Variants in FRAS1 observed in about 807,000 individuals in gnomAD.
FRAS1 encodes extracellular matrix organizing protein FRAS1.
Under a neutral mutation model 435.2 loss-of-function variants are expected in FRAS1, and 290 were observed. That is an observed-to-expected ratio of 0.67 (90% confidence interval 0.61 to 0.73). FRAS1 has a LOEUF of 0.73. Among genes scored for constraint, FRAS1 ranks in the 30% least tolerant of loss-of-function variants. The pLI is 0.00. For synonymous variants in FRAS1, 1,800 were observed against 1,851.0 expected, an observed-to-expected ratio of 0.97 and a Z score of 0.71; for missense variants, 4,860 against 5,001.5, an observed-to-expected ratio of 0.97 and a Z score of 0.85.
chr4:78,191,193 G>A (rs994984482), intron 2 of FRAS1, among the ~76,000 whole-genome samples: 1 of 152,198 alleles, frequency 6.6e-6, no homozygotes, highest in African/African-American at 2.4e-5. Context: ...AGCACCCTCA[G>A]CAAACTAAGA....
In FRAS1 at chr4:78,375,821, C is replaced by T; in HGVS notation, c.3234C>T (p.Leu1078=). 1 of 1,613,698 alleles carries T rather than the reference C, an allele frequency of 6.2e-7. No individual in the cohort carries two copies. The highest frequency in any genetic ancestry group is 8.5e-7 in the Non-Finnish European group (1 of 1,179,764). Residue 1078 remains leucine (L), a synonymous_variant, in exon 26 of 74, where the codon CTC becomes CTT. Coordinates refer to ENST00000512123, the MANE Select transcript of FRAS1 (RefSeq NM_025074.7). The part of the protein sequence containing the change: ...CDHGFFLKSG[L]CVYNCVPGFS... Reference sequence around the variant, plus strand: ...ATGGGTTCTTTCTGAAGAGTGGCCTCTGTGTTTACAACTGTGTTCCTGGCT... The same window carrying T: ...ATGGGTTCTTTCTGAAGAGTGGCCTTTGTGTTTACAACTGTGTTCCTGGCT...
chr4:78,156,302 C>T (rs1720879898), intron 2 of FRAS1, among the ~76,000 whole-genome samples: 1 of 151,596 alleles, frequency 6.6e-6, no homozygotes, highest in South Asian at 2.1e-4. Context: ...CATGTGTGCT[C>T]TTTTAATCGA....
At chr4:78,477,407 T>C (rs907219138) in intron 54 of FRAS1, among the ~76,000 whole-genome samples, 3 of 152,196 alleles carry the variant, frequency 2.0e-5, no homozygotes, top group South Asian at 2.1e-4. Flanking sequence ...CTAATACAGC[T>C]TGGAAGTAAC....
At chr4:78,307,209 G>A (rs556150171) in intron 14 of FRAS1, among the ~76,000 whole-genome samples, 1 of 152,342 alleles carries the variant, frequency 6.6e-6, no homozygotes, top group East Asian at 1.9e-4. Flanking sequence ...ACTTGAGGAG[G>A]CAGTCTGCCA....
In FRAS1 at chr4:78,167,322, A is replaced by G. The variant is rs536153610; in HGVS notation, c.109-70188A>G. On this transcript the variant is annotated intron_variant, in intron 2 of 73. Coordinates refer to ENST00000512123, the MANE Select transcript of FRAS1 (RefSeq NM_025074.7). ...GCTCACAGTCTGTTAACAGACAAAC[A>G]AATATGTAAACAGATTATTGCCATA... 4.2e-4 allele frequency among the ~76,000 whole-genome samples: 64 copies of G among 151,662 alleles called. 1 individual carries two copies. The South Asian group carries it at 0.013, about 31-fold the overall frequency.
intron 30 of FRAS1, among the ~76,000 whole-genome samples, chr4:78,404,864 C>G (rs990808390): frequency 6.6e-6 from 1 of 152,164 alleles, no homozygotes; most frequent in Non-Finnish European, 1.5e-5. Context: ...TTTAACAGGA[C>G]CTTCAACTCT....
At chr4:78,181,818 C>G in intron 2 of FRAS1, 2 of 1,612,108 alleles carry the variant, frequency 1.2e-6, no homozygotes, top group South Asian at 1.1e-5. Flanking sequence ...TTCTTGCGGT[C>G]TTTCTGGGAC....
At chr4:78,342,527 T>C (rs1578263665) in intron 20 of FRAS1, among the ~76,000 whole-genome samples, 1 of 152,094 alleles carries the variant, frequency 6.6e-6, no homozygotes, top group South Asian at 2.1e-4. Flanking sequence ...GAAAGCCAGG[T>C]TTTCTTTTGT....
chr4:78,483,798 A>ATATAT (rs1491045148), intron 58 of FRAS1, among the ~76,000 whole-genome samples: 33 of 71,500 alleles, frequency 4.6e-4, no homozygotes, highest in South Asian at 2.0e-3. Context: ...ATATATATAT[A>ATATAT]AAATTATGTA....
rs73827930 is a variant in FRAS1, at chr4:78,286,370, T to A, written c.1400-35T>A. On this transcript the variant is annotated intron_variant, in intron 13 of 73. Coordinates refer to ENST00000512123, the MANE Select transcript of FRAS1 (RefSeq NM_025074.7). ...TGGTGTCTTTCAGCTAATCAAATGGTTCCTTTCTCTTTCTTCAACATTATC... is the reference window on the plus strand; with the variant it reads ...TGGTGTCTTTCAGCTAATCAAATGGATCCTTTCTCTTTCTTCAACATTATC... The A allele has an allele frequency of 5.9e-3, 9,448 of 1,611,702 alleles. 483 individuals carry two copies. The African/African-American group carries it at 0.11, about 19-fold the overall frequency.
At chr4:78,439,511 C>T (rs931994388) in intron 40 of FRAS1, among the ~76,000 whole-genome samples, 12 of 152,160 alleles carry the variant, frequency 7.9e-5, no homozygotes, top group Non-Finnish European at 1.8e-4. Context: ...CATTGAATAC[C>T]CAGACATCAG....
intron 2 of FRAS1, among the ~76,000 whole-genome samples, chr4:78,118,554 A>T (rs971044674): frequency 4.6e-5 from 7 of 152,120 alleles, no homozygotes; most frequent in African/African-American, 1.7e-4. Flanking sequence ...GCCGCCTTGC[A>T]GTTTGATCTC....
At chr4:78,331,696 G>GTTT (rs1201588998) in intron 18 of FRAS1, among the ~76,000 whole-genome samples, 23 of 152,066 alleles carry the variant, frequency 1.5e-4, no homozygotes, top group African/African-American at 5.6e-4. Flanking sequence ...TTGTCCATTG[G>GTTT]GCAGAAGATG....
chr4:78,448,924 G>A (rs1718937876), intron 44 of FRAS1, among the ~76,000 whole-genome samples: 1 of 152,176 alleles, frequency 6.6e-6, no homozygotes, highest in Non-Finnish European at 1.5e-5. Flanking sequence ...TGCCCAGGGT[G>A]TCTGCATCTT....
chr4:78,499,639 T>TCA, intron 60 of FRAS1, 82 bp from the exon 61 acceptor site: 1 of 1,286,944 alleles, frequency 7.8e-7, no homozygotes, highest in Non-Finnish European at 1.1e-6. Context: ...TTTCCTCTTG[T>TCA]CATTATAAGG....
intron 63 of FRAS1, among the ~76,000 whole-genome samples, chr4:78,509,450 A>C (rs1720962057): frequency 6.6e-6 from 1 of 151,450 alleles, no homozygotes; most frequent in Non-Finnish European, 1.5e-5. Context: ...CCTTATGGAC[A>C]TGAACCAAAG....
intron 20 of FRAS1, among the ~76,000 whole-genome samples, chr4:78,340,736 A>T (rs1730366157): frequency 6.6e-6 from 1 of 152,198 alleles, no homozygotes; most frequent in African/African-American, 2.4e-5. Context: ...AGGTGCCCGC[A>T]GGCTTGGCTT....
At chr4:78,399,120 T>C (rs1388766577) in intron 29 of FRAS1, among the ~76,000 whole-genome samples, 2 of 152,230 alleles carry the variant, frequency 1.3e-5, no homozygotes, top group African/African-American at 2.4e-5. Flanking sequence ...TAATATGCTA[T>C]GTCAATTGAG....
intron 2 of FRAS1, among the ~76,000 whole-genome samples, chr4:78,148,262 T>A (rs1257340958): frequency 6.6e-6 from 1 of 152,128 alleles, no homozygotes; most frequent in Non-Finnish European, 1.5e-5. Flanking sequence ...CTGATTAAAA[T>A]TTTAAGTTTT....
Sources: allele counts gnomAD v4.1 joint callset (sites outside exome capture counted in the v4.1 genomes callset), GRCh38; gene constraint gnomAD v4.1.1; transcripts MANE v1.5; gene names NCBI Gene and HGNC (gene_info 2026-07-23, HGNC 2026-07-21).